LRP1B: variants seen among roughly 807,000 people sequenced by gnomAD.
The protein encoded by LRP1B is low-density lipoprotein receptor-related protein 1B.
Under a neutral mutation model 556.6 loss-of-function variants are expected in LRP1B, and 217 were observed. That is an observed-to-expected ratio of 0.39 (90% CI 0.35 to 0.44). The LOEUF (loss-of-function observed/expected upper bound fraction) is 0.44, where lower values mean the gene tolerates loss of function less well. Among genes scored for constraint, LRP1B ranks in the 20% least tolerant of loss-of-function variants. The pLI, the probability that LRP1B is intolerant of heterozygous loss-of-function variation, is 1.00. For missense variants in LRP1B, 5,053 were observed against 5,620.8 expected (o/e 0.90, Z 3.23); for synonymous variants, 2,047 against 1,865.8 (o/e 1.10, Z -2.50).
chr2:141,910,262 T>G (rs1414020139), intron 1 of LRP1B, among the ~76,000 whole-genome samples: 1 of 152,030 alleles, frequency 6.6e-6, no homozygotes, highest in Admixed American at 6.6e-5. Flanking sequence ...CCAGCCACAC[T>G]TAGAAACTAT....
intron 1 of LRP1B, among the ~76,000 whole-genome samples, chr2:141,902,013 T>C (rs1275450998): frequency 6.6e-6 from 1 of 151,668 alleles, no homozygotes; most frequent in East Asian, 1.9e-4. Context: ...TTTACATCAC[T>C]TCTCTGTGCA....
At chr2:140,494,092 C>T (rs990972141) in intron 56 of LRP1B, among the ~76,000 whole-genome samples, 1 of 152,102 alleles carries the variant, frequency 6.6e-6, no homozygotes, top group African/African-American at 2.4e-5. Context: ...CTCTGTAGTG[C>T]AAGATTTATG....
intron 41 of LRP1B, among the ~76,000 whole-genome samples, chr2:140,672,653 G>A (rs1029120302): frequency 6.6e-6 from 1 of 151,980 alleles, no homozygotes; most frequent in African/African-American, 2.4e-5. Context: ...TGATGGGTTT[G>A]CAGATAAATA....
chr2:140,669,959 A>G lies in LRP1B; in HGVS notation c.6799+30291T>C, dbSNP rs1214030932. 5.3e-5 allele frequency among the ~76,000 whole-genome samples: 8 copies of G among 152,304 alleles called. No homozygotes were observed. In the South Asian group the frequency reaches 1.0e-3, roughly 20 times the overall value. On this transcript the variant is annotated intron_variant, in intron 41 of 90. Coordinates refer to ENST00000389484, the MANE Select transcript of LRP1B (RefSeq NM_018557.3). ...TCTTGTAGAGACAGTACAATATCTT[A>G]ACATAAATTATCCTTCGAAATAAAA...
At chr2:140,396,755 G>A (rs2105220065) in intron 66 of LRP1B, among the ~76,000 whole-genome samples, 1 of 152,206 alleles carries the variant, frequency 6.6e-6, no homozygotes, top group East Asian at 1.9e-4. Flanking sequence ...TGTTAATTTT[G>A]GAGGAAGAAC....
At chr2:141,841,437 T>C (rs1395391708) in intron 1 of LRP1B, among the ~76,000 whole-genome samples, 2 of 152,176 alleles carry the variant, frequency 1.3e-5, no homozygotes, top group Admixed American at 1.3e-4. Context: ...AAAAAGTATA[T>C]ATTTTTCCTT....
At chr2:141,660,200 C>T (rs10194290) in intron 2 of LRP1B, among the ~76,000 whole-genome samples, 1 of 151,844 alleles carries the variant, frequency 6.6e-6, no homozygotes, top group African/African-American at 2.4e-5. Context: ...CAGGGTGGAG[C>T]GACAGCCCAC....
At chr2:141,599,888 G>A (rs537392893) in intron 2 of LRP1B, among the ~76,000 whole-genome samples, 1 of 152,064 alleles carries the variant, frequency 6.6e-6, no homozygotes, top group East Asian at 1.9e-4. Flanking sequence ...TTCTATCTAA[G>A]CTTTTCCTTT....
intron 41 of LRP1B, among the ~76,000 whole-genome samples, chr2:140,620,778 A>G (rs1683422216): frequency 6.6e-6 from 1 of 152,138 alleles, no homozygotes; most frequent in Admixed American, 6.5e-5. Flanking sequence ...CATGAAATGG[A>G]AACAAGTATT....
chr2:140,786,117 C>T (rs994976786), intron 32 of LRP1B, among the ~76,000 whole-genome samples: 1 of 152,194 alleles, frequency 6.6e-6, no homozygotes, highest in Non-Finnish European at 1.5e-5. Context: ...TGGCTTCCCC[C>T]TGCCAAAGGC....
chr2:141,355,752 A>T (rs1330576578), intron 3 of LRP1B, among the ~76,000 whole-genome samples: 2 of 151,592 alleles, frequency 1.3e-5, no homozygotes, highest in East Asian at 3.8e-4. Context: ...GAGATAATCT[A>T]TCTCCTAGAA....
At chr2:142,045,635 T>G (rs1049773797) in intron 1 of LRP1B, among the ~76,000 whole-genome samples, 9 of 151,946 alleles carry the variant, frequency 5.9e-5, no homozygotes, top group Admixed American at 4.0e-4. Flanking sequence ...AATCAATTTC[T>G]GACATAATAT....
intron 3 of LRP1B, among the ~76,000 whole-genome samples, chr2:141,262,272 A>G (rs1684721394): frequency 7.3e-6 from 1 of 136,386 alleles, no homozygotes. Context: ...AGAGAGCGAG[A>G]CGGAGTGTGT....
At chr2:141,195,850 C>A (rs1055762770) in intron 6 of LRP1B, among the ~76,000 whole-genome samples, 1 of 152,128 alleles carries the variant, frequency 6.6e-6, no homozygotes, top group South Asian at 2.1e-4. Context: ...ATGAAGAAAA[C>A]AAGACGGAAA....
intron 2 of LRP1B, among the ~76,000 whole-genome samples, chr2:141,502,089 T>C (rs1003273787): frequency 5.9e-5 from 9 of 152,094 alleles, no homozygotes; most frequent in African/African-American, 2.2e-4. Flanking sequence ...TAAGATTGAG[T>C]TGTGTTTAAA....
intron 20 of LRP1B, among the ~76,000 whole-genome samples, chr2:140,949,152 C>T (rs773312440): frequency 8.5e-5 from 13 of 152,146 alleles, no homozygotes; most frequent in Admixed American, 2.6e-4. Context: ...TGTTTGTTTA[C>T]GCTGATATTT....
chr2:140,777,216 A>G (rs1196999969), intron 32 of LRP1B, among the ~76,000 whole-genome samples: 1 of 152,214 alleles, frequency 6.6e-6, no homozygotes. Context: ...ATTTAACTCT[A>G]TTTGGGCAAT....
At chr2:141,848,447 T>C (rs1304506633) in intron 1 of LRP1B, among the ~76,000 whole-genome samples, 1 of 151,492 alleles carries the variant, frequency 6.6e-6, no homozygotes, top group African/African-American at 2.4e-5. Context: ...TGTTAGAATA[T>C]GTTGGATTCA....
intron 1 of LRP1B, among the ~76,000 whole-genome samples, chr2:141,941,659 G>T (rs962589461): frequency 6.6e-6 from 1 of 152,168 alleles, no homozygotes; most frequent in South Asian, 2.1e-4. Flanking sequence ...GGGAGCACGT[G>T]GAACAGTGGG....
Sources: allele counts gnomAD v4.1 joint callset (sites outside exome capture counted in the v4.1 genomes callset), GRCh38; gene constraint gnomAD v4.1.1; transcripts MANE v1.5; gene names NCBI Gene and HGNC (gene_info 2026-07-23, HGNC 2026-07-21).